NUGGC: variants seen among roughly 807,000 people sequenced by gnomAD.
NUGGC encodes nuclear GTPase, germinal center associated.
Under a neutral mutation model 92.6 loss-of-function variants are expected in NUGGC, and 58 were observed. The observed-to-expected ratio is 0.63, with a 90% confidence interval of 0.51 to 0.78. NUGGC has a LOEUF of 0.78. Ranked by LOEUF, NUGGC falls within the 30% of genes least tolerant of loss-of-function variation. The probability of loss-of-function intolerance (pLI) is 0.00; values close to 1 mark genes in which losing one functional copy is unlikely to be tolerated. For synonymous variants in NUGGC, 376 were observed against 366.4 expected, an observed-to-expected ratio of 1.03 and a Z score of -0.30; for missense variants, 925 against 964.6, an observed-to-expected ratio of 0.96 and a Z score of 0.54.
intron 3 of NUGGC, 150 bp downstream of exon 3, chr8:28,070,102 C>T (rs1317554850): frequency 6.3e-6 from 9 of 1,433,012 alleles, no homozygotes; most frequent in Middle Eastern, 2.3e-4. Context: ...AACTGCATAC[C>T]GCTACAGAGA....
intron 1 of NUGGC, among the ~76,000 whole-genome samples, chr8:28,078,626 T>C (rs959064176): frequency 6.6e-6 from 1 of 152,220 alleles, no homozygotes; most frequent in Non-Finnish European, 1.5e-5. Flanking sequence ...CTGATTTAGA[T>C]GGGTGCTAAA....
intron 1 of NUGGC, among the ~76,000 whole-genome samples, chr8:28,076,801 C>T (rs1171764952): frequency 6.6e-6 from 1 of 152,102 alleles, no homozygotes; most frequent in Non-Finnish European, 1.5e-5. Context: ...AAATGCATTA[C>T]CTTACAGCTG....
intron 15 of NUGGC, among the ~76,000 whole-genome samples, chr8:28,030,707 G>T (rs928900824): frequency 1.3e-5 from 2 of 152,122 alleles, no homozygotes; most frequent in South Asian, 2.1e-4. Context: ...GGCCCTCTCT[G>T]GGGGGCAGAG....
chr8:28,027,136 C>T (rs1809284405), intron 17 of NUGGC, 84 bp from the exon 18 acceptor site: 1 of 1,111,452 alleles, frequency 9.0e-7, no homozygotes. Context: ...ACCCAGTCCC[C>T]CAGCCACGGA....
intron 13 of NUGGC, among the ~76,000 whole-genome samples, chr8:28,039,762 G>C (rs1809646012): frequency 6.6e-6 from 1 of 152,136 alleles, no homozygotes; most frequent in African/African-American, 2.4e-5. Context: ...CCAGCACGGG[G>C]GGACACCAAG....
rs1247513454 is a variant in NUGGC at position 28,027,171 on chromosome 8, T to A, written c.2155-119A>T. Reference sequence around the variant, plus strand: ...AAGGTACAGACTGGGGTTGCCAAAGTCAGGCTTTGCAACCCAGTTGCAAAA... The same window carrying A: ...AAGGTACAGACTGGGGTTGCCAAAGACAGGCTTTGCAACCCAGTTGCAAAA... On this transcript the variant is annotated intron_variant, in intron 17 of 18. Transcript: ENST00000413272. 7 of 780,734 alleles carry A rather than the reference T, an allele frequency of 9.0e-6. No individual in the cohort carries two copies. In the Admixed American group the frequency reaches 1.1e-4, roughly 12 times the overall value. 48.4% of individuals were successfully genotyped at this position (780,734 alleles called of 1,614,324 possible). A position where few individuals can be genotyped will look rare whatever the true frequency, so the allele number is the denominator to read the frequency against.
chr8:28,028,060 T>TAA (rs36109977), intron 17 of NUGGC, among the ~76,000 whole-genome samples: 5 of 143,058 alleles, frequency 3.5e-5, no homozygotes, highest in Admixed American at 1.4e-4. Flanking sequence ...TGGCGTTCTT[T>TAA]AAAAAAAAAA....
At chr8:28,067,833 C>T in intron 5 of NUGGC, 89 bp from the exon 6 acceptor site, 1 of 978,780 alleles carries the variant, frequency 1.0e-6, no homozygotes. Flanking sequence ...CTGTGGAGGG[C>T]CAGGGGGCTG....
intron 11 of NUGGC, among the ~76,000 whole-genome samples, chr8:28,047,062 C>G (rs1052908560): frequency 5.3e-5 from 8 of 151,980 alleles, no homozygotes; most frequent in African/African-American, 1.9e-4. Flanking sequence ...CCTCTGCCTC[C>G]CGGGTTCAAG....
chr8:28,060,531 T>A lies in NUGGC; in HGVS notation c.992A>T (p.Glu331Val). 1.2e-6 allele frequency: 2 copies of A among 1,613,868 alleles called. No individual in the cohort carries two copies. The highest frequency in any genetic ancestry group is 1.7e-6 in the Non-Finnish European group (2 of 1,179,832). ...TTTGATGCTCTCATTCAGAAGGTCT[T>A]CGTGGGCTTGCCCCCCAGAAACTCG... ...IERVSGGQAH[E>V]DLLNESIKAC... is the part of the protein sequence containing the mutation. Residue 331 changes from glutamate (E) to valine (V), a missense_variant, in exon 8 of 19, where the codon GAA becomes GTA. Physicochemically the swap from Glu to Val is moderately radical, Grantham distance 121. Coordinates refer to ENST00000413272, the MANE Select transcript of NUGGC (RefSeq NM_001010906.2).
chr8:28,054,072 G>A (rs1218199415), intron 10 of NUGGC, among the ~76,000 whole-genome samples: 2 of 152,184 alleles, frequency 1.3e-5, no homozygotes, highest in African/African-American at 2.4e-5. Flanking sequence ...ATCCAATACC[G>A]AAGATTTTGT....
intron 2 of NUGGC, among the ~76,000 whole-genome samples, chr8:28,071,345 G>C (rs565108224): frequency 6.6e-6 from 1 of 152,224 alleles, no homozygotes; most frequent in African/African-American, 2.4e-5. Context: ...GAATGCAAAG[G>C]AAAACAGGGG....
At chr8:28,046,719 C>T (rs1401493364) in intron 11 of NUGGC, among the ~76,000 whole-genome samples, 2 of 143,562 alleles carry the variant, frequency 1.4e-5, no homozygotes, top group African/African-American at 5.2e-5. Flanking sequence ...CCACTGTTGT[C>T]ACCCAGACTG....
Position 28,025,179 on chromosome 8 carries a change from G to A in NUGGC, c.2246-1717C>T, listed in dbSNP as rs191162240. ...TGGCACCCAGGACGTGATCAGAATC[G>A]CTTGCTGAGTGAATGTAAACTCCCC... On this transcript the variant is annotated intron_variant, in intron 18 of 18. Transcript: ENST00000413272. 1.1e-3 allele frequency among the ~76,000 whole-genome samples: 162 copies of A among 152,296 alleles called. 1 individual carries two copies. The highest frequency in any genetic ancestry group is 3.4e-3 in the African/African-American group (141 of 41,556).
chr8:28,040,716 G>A (rs569618948), intron 13 of NUGGC, among the ~76,000 whole-genome samples: 92 of 150,892 alleles, frequency 6.1e-4, no homozygotes, highest in Admixed American at 2.2e-3. Flanking sequence ...GTGCAGTCTC[G>A]GCTCACTGCA....
intron 10 of NUGGC, among the ~76,000 whole-genome samples, chr8:28,049,165 G>A (rs978680885): frequency 7.2e-5 from 11 of 152,116 alleles, no homozygotes; most frequent in African/African-American, 2.2e-4. Context: ...GTGAGAAGCC[G>A]TGTCCCTGGC....
intron 13 of NUGGC, among the ~76,000 whole-genome samples, chr8:28,037,629 T>G (rs1809589019): frequency 6.6e-6 from 1 of 152,200 alleles, no homozygotes; most frequent in Non-Finnish European, 1.5e-5. Context: ...CACACAGGCC[T>G]GAGCTATTCA....
chr8:28,027,794 G>A (rs556550158), intron 17 of NUGGC, among the ~76,000 whole-genome samples: 1 of 152,242 alleles, frequency 6.6e-6, no homozygotes, highest in African/African-American at 2.4e-5. Flanking sequence ...TAAGATCAGG[G>A]AACGAGAGAT....
intron 3 of NUGGC, 175 bp from the exon 4 acceptor site, chr8:28,069,827 G>A (rs1810541856): frequency 3.4e-6 from 2 of 589,968 alleles, no homozygotes; most frequent in Admixed American, 5.9e-5. Context: ...ACTGGAGATA[G>A]CAATCATTGG....
Sources: gnomAD v4.1 joint callset for allele counts (sites outside exome capture counted in the v4.1 genomes callset) on GRCh38, gnomAD v4.1.1 for gene constraint, MANE v1.5 for transcripts, NCBI Gene and HGNC (gene_info 2026-07-23, HGNC 2026-07-21) for gene names.